BUD23: variants seen among roughly 807,000 people sequenced by gnomAD.
BUD23 encodes 18S rRNA (guanine-N(7))-methyltransferase.
Under a neutral mutation model 47.0 loss-of-function variants are expected in BUD23, and 34 were observed. That is an observed-to-expected ratio of 0.72 (90% CI 0.55 to 0.96). BUD23 has a LOEUF of 0.96. Among genes scored for constraint, BUD23 ranks in the 40% least tolerant of loss-of-function variants. The pLI, the probability that BUD23 is intolerant of heterozygous loss-of-function variation, is 0.00. For missense variants in BUD23, 343 were observed against 361.2 expected (o/e 0.95, Z 0.41); for synonymous variants, 124 against 132.0 (o/e 0.94, Z 0.41).
At chr7:73,688,855 A>G (rs782005899) in intron 5 of BUD23, among the ~76,000 whole-genome samples, 9 of 152,130 alleles carry the variant, frequency 5.9e-5, no homozygotes, top group Non-Finnish European at 8.8e-5. Context: ...AATTCAGATT[A>G]GAAGATTTTC....
chr7:73,694,510 C>T (rs564519924), intron 10 of BUD23: 85 of 154,656 alleles, frequency 5.5e-4, no homozygotes, highest in Non-Finnish European at 8.8e-4. Context: ...CTAACCACCC[C>T]GTTGTTGCTT....
chr7:73,688,277 G>A (rs1015477237), intron 5 of BUD23, among the ~76,000 whole-genome samples: 2 of 152,142 alleles, frequency 1.3e-5, no homozygotes, highest in East Asian at 2.0e-4. Flanking sequence ...GCTTGAACCC[G>A]AGAGGCGGAG....
At position 73,697,657 on chromosome 7, in the gene BUD23, G is replaced by T. The variant is rs1267604505; in HGVS notation, c.754G>T (p.Val252Leu). ...AATGGTGAGGAAGAGTCGGGCATGG[G>T]TGCTGGAGAAGAAGGAGCGGCACAG... is the stretch of plus-strand genomic sequence containing the variant. ...RGMVRKSRAW[V>L]LEKKERHRRQ... The change falls in exon 11 of 12, where the codon GTG (valine) becomes TTG (leucine). Residue 252 changes from valine to leucine, a missense_variant. Coordinates refer to ENST00000265758, the MANE Select transcript of BUD23 (RefSeq NM_017528.5). 1.2e-6 allele frequency: 2 copies of T among 1,613,600 alleles called. No individual in the cohort carries two copies. The highest frequency in any genetic ancestry group is 1.3e-5 in the African/African-American group (1 of 74,924).
chr7:73,693,369 C>T lies in BUD23; in HGVS notation c.551C>T (p.Ser184Phe). ...ACCCAGGCCACAAAGGCAGGCTTCT[C>T]CGGTGGCATGGTGGTAGACTACCCT... ...ITTQATKAGFSGGMVVDYPNS... is the reference protein window; with the variant it reads ...ITTQATKAGFFGGMVVDYPNS... Residue 184 changes from serine to phenylalanine, a missense_variant, in exon 8 of 12, where the codon TCC becomes TTC. Coordinates refer to ENST00000265758, the MANE Select transcript of BUD23 (RefSeq NM_017528.5). 6.2e-7 allele frequency: 1 copy of T among 1,614,174 alleles called. No individual in the cohort carries two copies.
At chr7:73,683,879 C>G in intron 2 of BUD23, 75 bp downstream of exon 2, 1 of 1,613,092 alleles carries the variant, frequency 6.2e-7, no homozygotes, top group East Asian at 2.2e-5. Context: ...TGGCGTTGCC[C>G]GGAAAGGCCG....
intron 2 of BUD23, among the ~76,000 whole-genome samples, chr7:73,684,850 G>C (rs1797888296): frequency 6.9e-6 from 1 of 145,924 alleles, no homozygotes; most frequent in African/African-American, 2.5e-5. Flanking sequence ...CTTGAACCCG[G>C]GAGGGGGAGG....
chr7:73,689,968 A>AG (rs1445405736), intron 5 of BUD23, among the ~76,000 whole-genome samples: 4 of 151,996 alleles, frequency 2.6e-5, no homozygotes, highest in African/African-American at 9.7e-5. Flanking sequence ...AGCAGGGCGG[A>AG]GGGGAAGGGC....
At chr7:73,687,119 T>G (rs1554613184) in intron 5 of BUD23, 24 bp downstream of exon 5, 1 of 1,610,168 alleles carries the variant, frequency 6.2e-7, no homozygotes, top group South Asian at 1.1e-5. Flanking sequence ...ATTCCTGCTT[T>G]TATTTATTTA....
chr7:73,685,462 TGC>T (rs1797927059), intron 2 of BUD23, among the ~76,000 whole-genome samples: 2 of 152,246 alleles, frequency 1.3e-5, no homozygotes, highest in African/African-American at 4.8e-5. Context: ...TAATTTTTTG[TGC>T]GTGTGAGACA....
chr7:73,693,794 C>G, intron 9 of BUD23, 125 bp downstream of exon 9: 1 of 1,404,156 alleles, frequency 7.1e-7, no homozygotes, highest in Non-Finnish European at 1.0e-6. Flanking sequence ...AGTGCAGACC[C>G]TGGAGTGCTC....
At chr7:73,692,673 C>A (rs2293490) in intron 7 of BUD23, 27 bp downstream of exon 7, 521,277 of 1,605,696 alleles carry the variant, frequency 0.32, 88,847 homozygotes, top group Non-Finnish European at 0.34. Flanking sequence ...CTGGGTGTGC[C>A]GGGGAGTTGG....
At chr7:73,691,706 C>G (rs1272129734) in intron 6 of BUD23, among the ~76,000 whole-genome samples, 6 of 151,970 alleles carry the variant, frequency 3.9e-5, no homozygotes, top group Admixed American at 6.6e-5. Context: ...CTCAAGTGAT[C>G]CTCCTGCTTC....
intron 2 of BUD23, 34 bp downstream of exon 2, chr7:73,683,838 G>C: frequency 1.9e-6 from 3 of 1,614,164 alleles, no homozygotes; most frequent in Non-Finnish European, 2.5e-6. Flanking sequence ...GGGCGTCCGG[G>C]GGTCGGGAAG....
At chr7:73,685,814 C>T (rs868925369) in intron 2 of BUD23, among the ~76,000 whole-genome samples, 1 of 151,446 alleles carries the variant, frequency 6.6e-6, no homozygotes, top group Non-Finnish European at 1.5e-5. Context: ...CTCCAGAGGC[C>T]GGGCGCGGTG....
chr7:73,685,572 G>C (rs1243334070), intron 2 of BUD23, among the ~76,000 whole-genome samples: 1 of 152,104 alleles, frequency 6.6e-6, no homozygotes, highest in African/African-American at 2.4e-5. Context: ...CGCCCGACTA[G>C]TTTGTGTAAT....
chr7:73,687,112 C>T lies in BUD23; in HGVS notation c.362+17C>T. ...TTGCATCAGGTGAGGGTCTTTAATTCCTGCTTTTATTTATTTAGAGACAGG... is the reference window on the plus strand; with the variant it reads ...TTGCATCAGGTGAGGGTCTTTAATTTCTGCTTTTATTTATTTAGAGACAGG... On this transcript the variant is annotated intron_variant, in intron 5 of 11. Coordinates refer to ENST00000265758, the MANE Select transcript of BUD23 (RefSeq NM_017528.5). 6 of 1,611,654 alleles carry T rather than the reference C, an allele frequency of 3.7e-6. No individual in the cohort carries two copies. The highest frequency in any genetic ancestry group is 4.2e-6 in the Non-Finnish European group (5 of 1,179,178).
chr7:73,683,896 T>C (rs897481153), intron 2 of BUD23, 92 bp downstream of exon 2: 7 of 1,610,554 alleles, frequency 4.3e-6, no homozygotes, highest in Non-Finnish European at 3.4e-6. Flanking sequence ...GCCGTAGAAT[T>C]TGGGGGTGCG....
In BUD23 at chr7:73,697,875, C is replaced by T. The variant is rs1554615192; in HGVS notation, c.835C>T (p.Pro279Ser). The change falls in exon 12 of 12, where the codon CCC becomes TCC. Residue 279 changes from proline to serine, a missense_variant. Pro to Ser is a moderately conservative substitution (Grantham distance 74). Coordinates refer to ENST00000265758, the MANE Select transcript of BUD23 (RefSeq NM_017528.5). Reference protein sequence around the residue: ...DTQYTGRKRKPRF With the variant: ...DTQYTGRKRKSRF ...CCAGTACACCGGCCGCAAGCGCAAG[C>T]CCCGCTTCTAAGTCACCACGCGGTT... 1.9e-6 allele frequency: 3 copies of T among 1,613,938 alleles called. No individual in the cohort carries two copies. The highest frequency in any genetic ancestry group is 2.5e-6 in the Non-Finnish European group (3 of 1,179,994).
intron 2 of BUD23, among the ~76,000 whole-genome samples, chr7:73,684,978 C>T (rs1343963213): frequency 1.4e-5 from 2 of 138,108 alleles, no homozygotes; most frequent in African/African-American, 5.6e-5. Flanking sequence ...GTGGTTTTTC[C>T]GTGCTCTCTC....
Sources: gnomAD v4.1 joint callset for allele counts (sites outside exome capture counted in the v4.1 genomes callset) on GRCh38, gnomAD v4.1.1 for gene constraint, MANE v1.5 for transcripts, NCBI Gene and HGNC (gene_info 2026-07-23, HGNC 2026-07-21) for gene names.